FBXL20: variants seen among roughly 807,000 people sequenced by gnomAD.
The protein encoded by FBXL20 is F-box/LRR-repeat protein 20.
A neutral mutation model predicts 64.0 loss-of-function variants in FBXL20; 11 were observed. The observed-to-expected ratio is 0.17, with a 90% CI of 0.11 to 0.28. The LOEUF is 0.28. FBXL20 is among the 10% of genes least tolerant of loss of function. The probability of loss-of-function intolerance (pLI) is 1.00; values close to 1 mark genes in which losing one functional copy is unlikely to be tolerated. For synonymous variants in FBXL20, 184 were observed against 189.0 expected, an observed-to-expected ratio of 0.97 and a Z score of 0.22; for missense variants, 303 against 526.2, an observed-to-expected ratio of 0.58 and a Z score of 4.15.
rs559500157 is a variant in FBXL20, at chr17:39,345,801, A to C, written c.43-2560T>G. Among the ~76,000 whole-genome samples, 8 of 152,272 alleles carry C rather than the reference A, an allele frequency of 5.3e-5. No individual in the cohort carries two copies. In the East Asian group the frequency reaches 1.5e-3, roughly 29 times the overall value. ...ACGGATCCTCCCAACTCAGTGTCCC[A>C]AAGTGCTAAGATTACAGGTGTGAGC... On this transcript the variant is annotated intron_variant, in intron 1 of 14. Coordinates refer to ENST00000264658, the MANE Select transcript of FBXL20 (RefSeq NM_032875.3).
In FBXL20 at chr17:39,258,747, AAAC is replaced by A. The variant is rs1555600511; in HGVS notation, c.*2710_*2712del. 1 of 152,254 alleles carries A rather than the reference AAAC, an allele frequency of 6.6e-6. No individual in the cohort carries two copies. The highest frequency in any genetic ancestry group is 1.5e-5 in the Non-Finnish European group (1 of 68,046). 9.4% of individuals were successfully genotyped at this position (152,254 alleles called of 1,614,324 possible). On this transcript the variant is annotated 3_prime_UTR_variant, in exon 15 of 15. Coordinates refer to ENST00000264658, the MANE Select transcript of FBXL20 (RefSeq NM_032875.3). ...TTATGGTCAATTTGTACAGGCACTA[AAAC>A]AACAACAAAACACCTTAAACTTTAA...
At position 39,261,523 on chromosome 17, in the gene FBXL20, G is replaced by A; in HGVS notation, c.1248C>T (p.Val416=). ...TGCCCCCTACTGATGGGGGTGGAGT[G>A]ACAGGTGCGAAGTAGGCGTGGACTT... ...NIKVHAYFAP[V]TPPPSVGGSR... Residue 416 remains valine (V), a synonymous_variant, in exon 15 of 15, where the codon GTC becomes GTT. Coordinates refer to ENST00000264658, the MANE Select transcript of FBXL20 (RefSeq NM_032875.3). 1 of 1,614,028 alleles carries A rather than the reference G, an allele frequency of 6.2e-7. No homozygotes were observed. Among genetic ancestry groups the A allele is most frequent in the Non-Finnish European group, 8.5e-7 (1 of 1,179,906 alleles).
chr17:39,366,350 T>C (rs938341886), intron 1 of FBXL20, among the ~76,000 whole-genome samples: 1 of 152,212 alleles, frequency 6.6e-6, no homozygotes, highest in Admixed American at 6.5e-5. Flanking sequence ...ATATTTTCCA[T>C]ATGCTCAAAT....
chr17:39,275,475 A>G (rs1432134867), intron 9 of FBXL20, among the ~76,000 whole-genome samples: 1 of 151,966 alleles, frequency 6.6e-6, no homozygotes, highest in Admixed American at 6.6e-5. Context: ...GCAGTGGTGC[A>G]ATCTTGGCTC....
intron 1 of FBXL20, among the ~76,000 whole-genome samples, chr17:39,365,594 C>T (rs1222560992): frequency 6.6e-6 from 1 of 152,152 alleles, no homozygotes; most frequent in Non-Finnish European, 1.5e-5. Flanking sequence ...GTTTCATTTA[C>T]TTAACCCAAA....
At chr17:39,299,135 A>C in intron 4 of FBXL20, 51 bp from the exon 5 acceptor site, 2 of 1,227,754 alleles carry the variant, frequency 1.6e-6, no homozygotes, top group Non-Finnish European at 2.4e-6. Context: ...ATTACTTTAG[A>C]AAAGAACACA....
chr17:39,393,223 A>G (rs1320653812), intron 1 of FBXL20, among the ~76,000 whole-genome samples: 1 of 152,090 alleles, frequency 6.6e-6, no homozygotes, highest in Non-Finnish European at 1.5e-5. Flanking sequence ...CAGGAGGCAG[A>G]GGTTGCAGTG....
intron 2 of FBXL20, among the ~76,000 whole-genome samples, chr17:39,324,525 C>T (rs192891020): frequency 2.6e-5 from 4 of 152,022 alleles, no homozygotes; most frequent in South Asian, 2.1e-4. Flanking sequence ...CCTGACCTTA[C>T]GTGATCTGCC....
At chr17:39,396,468 T>C (rs1032975224) in intron 1 of FBXL20, among the ~76,000 whole-genome samples, 3 of 151,516 alleles carry the variant, frequency 2.0e-5, no homozygotes, top group African/African-American at 4.9e-5. Flanking sequence ...TGGTGGCGGG[T>C]GCCTGTAATC....
intron 9 of FBXL20, among the ~76,000 whole-genome samples, chr17:39,277,902 A>C (rs1473945961): frequency 6.6e-6 from 1 of 152,144 alleles, no homozygotes; most frequent in Non-Finnish European, 1.5e-5. Context: ...GAATCATTTT[A>C]TCACGCTGTA....
intron 1 of FBXL20, among the ~76,000 whole-genome samples, chr17:39,355,342 T>G (rs1567893645): frequency 1.3e-5 from 2 of 151,790 alleles, no homozygotes; most frequent in Admixed American, 6.6e-5. Context: ...CCTCCCAAAG[T>G]GCTGGGATTG....
upstream of FBXL20, chr17:39,402,256 G>GTGCGGC (rs2144699692): frequency 3.7e-6 from 4 of 1,085,734 alleles, no homozygotes; most frequent in East Asian, 1.5e-4. Flanking sequence ...GATTGGGGCA[G>GTGCGGC]TGCGGCTGCC....
At chr17:39,352,819 G>C (rs1248038423) in intron 1 of FBXL20, among the ~76,000 whole-genome samples, 1 of 152,094 alleles carries the variant, frequency 6.6e-6, no homozygotes, top group African/African-American at 2.4e-5. Context: ...AAGCTTTATA[G>C]ATTATATACA....
intron 2 of FBXL20, among the ~76,000 whole-genome samples, chr17:39,306,082 T>C (rs926185680): frequency 2.0e-5 from 3 of 151,856 alleles, no homozygotes; most frequent in Non-Finnish European, 4.4e-5. Context: ...GGAGGATCTA[T>C]TGTGTTCAGT....
chr17:39,386,658 A>G (rs1330787710), intron 1 of FBXL20, among the ~76,000 whole-genome samples: 2 of 152,032 alleles, frequency 1.3e-5, no homozygotes, highest in African/African-American at 4.8e-5. Flanking sequence ...TTTTGCTTAG[A>G]CCTCTATCTT....
chr17:39,402,027 C>T, upstream of FBXL20: 1 of 674,752 alleles, frequency 1.5e-6, no homozygotes. Context: ...CCCCTCTCCT[C>T]CCTCCGCGGG....
chr17:39,257,216 T>G lies in FBXL20; in HGVS notation c.*4244A>C, dbSNP rs1464371941. On this transcript the variant is annotated 3_prime_UTR_variant, in exon 15 of 15. Transcript: ENST00000264658. ...CCAGGCTGTTCTTGAACTCCTGACC[T>G]TGTGATCCACCCACCGTGCCGGGCC... is the stretch of plus-strand genomic sequence containing the variant. 2 of 152,202 alleles carry G rather than the reference T, an allele frequency of 1.3e-5. No homozygotes were observed. Among genetic ancestry groups the G allele is most frequent in the Admixed American group, 1.3e-4 (2 of 15,278 alleles). The allele number at this position is 152,202 out of a possible 1,614,324, so 9.4% of individuals were successfully genotyped here. A position where few individuals can be genotyped will look rare whatever the true frequency, so the allele number is the denominator to read the frequency against.
rs550054028 is a variant in FBXL20, at chr17:39,253,879, T to A, written c.*7581A>T. The A allele has an allele frequency of 9.9e-5, 15 of 152,230 alleles. No individual in the cohort carries two copies. The highest frequency in any genetic ancestry group is 2.2e-4 in the Non-Finnish European group (15 of 68,000). The allele number at this position is 152,230 out of a possible 1,614,324, so 9.4% of individuals were successfully genotyped here. A position where few individuals can be genotyped will look rare whatever the true frequency, so the allele number is the denominator to read the frequency against. ...CATGCCAGTTAGAGACTTTTTCAAG[T>A]TAAGATTTTCTAAGACCTTAGGTTT... On this transcript the variant is annotated 3_prime_UTR_variant, in exon 15 of 15. Coordinates refer to ENST00000264658, the MANE Select transcript of FBXL20 (RefSeq NM_032875.3).
At chr17:39,400,701 G>C (rs902372136) in intron 1 of FBXL20, among the ~76,000 whole-genome samples, 7 of 152,174 alleles carry the variant, frequency 4.6e-5, no homozygotes, top group African/African-American at 1.7e-4. Context: ...AAAAGTTCCT[G>C]AAAGACAGAC....
Sources: gnomAD v4.1 joint callset for allele counts (sites outside exome capture counted in the v4.1 genomes callset) on GRCh38, gnomAD v4.1.1 for gene constraint, MANE v1.5 for transcripts, NCBI Gene and HGNC (gene_info 2026-07-23, HGNC 2026-07-21) for gene names.